The following CDH17 variants were observed in gnomAD, a reference collection of about 807,000 sequenced individuals.
The protein encoded by CDH17 is cadherin 17, also known as cadherin-17.
A neutral mutation model predicts 86.3 loss-of-function variants in CDH17; 67 were observed. That is an observed-to-expected ratio of 0.78 (90% confidence interval 0.64 to 0.95). CDH17 has a LOEUF of 0.95. Ranked by LOEUF, CDH17 falls within the 40% of genes least tolerant of loss-of-function variation. The pLI is 0.00. For missense variants in CDH17, 993 were observed against 1,017.6 expected (o/e 0.98, Z 0.33); for synonymous variants, 367 against 366.4 (o/e 1.00, Z -0.02).
chr8:94,147,632 C>T (rs2130595228), intron 14 of CDH17, among the ~76,000 whole-genome samples: 1 of 152,274 alleles, frequency 6.6e-6, no homozygotes, highest in Non-Finnish European at 1.5e-5. Flanking sequence ...ACTTGTATGT[C>T]TGAAAATTCC....
chr8:94,199,307 T>C (rs1813860351), intron 1 of CDH17, among the ~76,000 whole-genome samples: 1 of 152,018 alleles, frequency 6.6e-6, no homozygotes, highest in Non-Finnish European at 1.5e-5. Flanking sequence ...AAACATGATA[T>C]ATTAAAGGAA....
chr8:94,216,516 T>C (rs1033898614), intron 1 of CDH17, among the ~76,000 whole-genome samples: 2 of 151,420 alleles, frequency 1.3e-5, no homozygotes, highest in Admixed American at 1.3e-4. Context: ...GCTTTAAACC[T>C]GATTAGATAG....
intron 13 of CDH17, among the ~76,000 whole-genome samples, chr8:94,151,015 T>G (rs1812845685): frequency 6.6e-6 from 1 of 152,152 alleles, no homozygotes; most frequent in African/African-American, 2.4e-5. Context: ...GAAGGACAGC[T>G]CAATGGGAGG....
intron 7 of CDH17, 109 bp downstream of exon 7, chr8:94,173,688 T>C (rs1197080143): frequency 8.4e-6 from 7 of 837,224 alleles, no homozygotes; most frequent in Admixed American, 5.6e-5. Flanking sequence ...AATCATGCTA[T>C]GAAAAAGGTA....
intron 1 of CDH17, among the ~76,000 whole-genome samples, chr8:94,205,597 G>A (rs961892272): frequency 5.3e-5 from 8 of 152,034 alleles, no homozygotes; most frequent in East Asian, 3.9e-4. Context: ...TAATTAAATC[G>A]TAACTGACAA....
Position 94,177,533 on chromosome 8 carries a change from C to A in CDH17, c.285+54G>T, listed in dbSNP as rs1161104421. 4 of 1,597,664 alleles carry A rather than the reference C, an allele frequency of 2.5e-6. No homozygotes were observed. The African/African-American group carries it at 4.0e-5, about 16-fold the overall frequency. On this transcript the variant is annotated intron_variant, in intron 4 of 17. Transcript: ENST00000027335. ...GAAGGTGCCAGCCATACTTCCAGAA[C>A]AAAGGGTGCTCAGAGAGGTTGGAGT...
chr8:94,132,930 TC>T (rs1254412080), intron 15 of CDH17, among the ~76,000 whole-genome samples: 1 of 152,232 alleles, frequency 6.6e-6, no homozygotes, highest in Non-Finnish European at 1.5e-5. Context: ...GGGAATCCTT[TC>T]CCCATTGCTT....
rs756432371 is a variant in CDH17, at chr8:94,128,344, A to G, written c.2399-4T>C. On this transcript the variant is annotated splice_region_variant and splice_polypyrimidine_tract_variant and intron_variant, in intron 17 of 17. Coordinates refer to ENST00000027335, the MANE Select transcript of CDH17 (RefSeq NM_004063.4). ...AACACAACTGCTAAAATTATACCTAAAAGAAAAAACCCAGGGTCAAATAAA... is the reference window on the plus strand; with the variant it reads ...AACACAACTGCTAAAATTATACCTAGAAGAAAAAACCCAGGGTCAAATAAA... The G allele has an allele frequency of 1.9e-6, 3 of 1,578,784 alleles. No homozygotes were observed. In the Admixed American group the frequency reaches 5.0e-5, roughly 26 times the overall value.
At chr8:94,179,654 C>T (rs1813440870) in intron 3 of CDH17, among the ~76,000 whole-genome samples, 1 of 152,202 alleles carries the variant, frequency 6.6e-6, no homozygotes, top group Non-Finnish European at 1.5e-5. Context: ...TCCCAACATG[C>T]ACACAGTGCC....
At chr8:94,136,235 A>G (rs1812523205) in intron 15 of CDH17, among the ~76,000 whole-genome samples, 1 of 152,198 alleles carries the variant, frequency 6.6e-6, no homozygotes, top group Non-Finnish European at 1.5e-5. Flanking sequence ...CCTGGATAAT[A>G]TCCTGAAGAG....
intron 3 of CDH17, among the ~76,000 whole-genome samples, chr8:94,180,943 CAAA>C (rs59930370): frequency 1.4e-5 from 1 of 69,778 alleles, no homozygotes; most frequent in Admixed American, 1.6e-4. Flanking sequence ...ACAAACAAAC[CAAA>C]AAAAAAAAAA....
At chr8:94,181,525 T>C (rs1790128620) in intron 3 of CDH17, among the ~76,000 whole-genome samples, 1 of 151,848 alleles carries the variant, frequency 6.6e-6, no homozygotes, top group Admixed American at 6.6e-5. Context: ...AAAATAACAA[T>C]ATACTCTAAA....
chr8:94,173,543 CA>C (rs1813308725), intron 7 of CDH17, among the ~76,000 whole-genome samples: 1 of 152,214 alleles, frequency 6.6e-6, no homozygotes, highest in African/African-American at 2.4e-5. Context: ...CTTTTCTTTA[CA>C]AATTCCCCAC....
In CDH17 at chr8:94,130,651, T is replaced by C; in HGVS notation, c.2373A>G (p.Ile791Met). 2 of 1,612,830 alleles carry C rather than the reference T, an allele frequency of 1.2e-6. No individual in the cohort carries two copies. The highest frequency in any genetic ancestry group is 8.5e-7 in the Non-Finnish European group (1 of 1,179,014). Residue 791 changes from isoleucine (I) to methionine (M), a missense_variant, in exon 17 of 18, where the codon ATA becomes ATG. Ile to Met is a conservative substitution (Grantham distance 10). Coordinates refer to ENST00000027335, the MANE Select transcript of CDH17 (RefSeq NM_004063.4). ...GIPTVGMAVG[I>M]LLTTLLVIGI... Reference sequence around the variant, plus strand: ...CAATCACCAGAAGGGTGGTCAGCAGTATACCAACTGCCATGCCCACAGTGG... The same window carrying C: ...CAATCACCAGAAGGGTGGTCAGCAGCATACCAACTGCCATGCCCACAGTGG...
chr8:94,177,603 G>T lies in CDH17; in HGVS notation c.269C>A (p.Ser90Tyr). 6.2e-7 allele frequency: 1 copy of T among 1,613,786 alleles called. No individual in the cohort carries two copies. The highest frequency in any genetic ancestry group is 1.3e-5 in the African/African-American group (1 of 75,008). Residue 90 changes from serine to tyrosine, a missense_variant, in exon 4 of 18, where the codon TCT becomes TAT. Ser to Tyr is a moderately radical substitution (Grantham distance 144). Coordinates refer to ENST00000027335, the MANE Select transcript of CDH17 (RefSeq NM_004063.4). Reference protein sequence around the residue: ...YNRALDRETRSTHNLQVAALD... With the variant: ...YNRALDRETRYTHNLQVAALD... ...TCAATTTACCTGGAGATTGTGAGTA[G>T]ATCTTGTTTCCCTGTCCAAGGCTCT...
At chr8:94,186,375 GT>G (rs1161964695) in intron 3 of CDH17, among the ~76,000 whole-genome samples, 1 of 152,062 alleles carries the variant, frequency 6.6e-6, no homozygotes, top group Admixed American at 6.6e-5. Context: ...AACAACAGAA[GT>G]TTATCGCTCA....
Position 94,132,866 on chromosome 8 carries a change from G to A in CDH17, c.2168-1874C>T, listed in dbSNP as rs148822390. Among the ~76,000 whole-genome samples the A allele has an allele frequency of 5.7e-3, 870 of 152,286 alleles. 8 individuals are homozygous for A. Among genetic ancestry groups the A allele is most frequent in the Middle Eastern group, 0.01 (3 of 294 alleles). ...GTGTAAGGTGTAAGGAATGGATCCA[G>A]TTTCAGCTTTCTACATATGCCTAGC... is the stretch of plus-strand genomic sequence containing the variant. On this transcript the variant is annotated intron_variant, in intron 15 of 17. Transcript: ENST00000027335.
chr8:94,179,665 C>T (rs999888776), intron 3 of CDH17, among the ~76,000 whole-genome samples: 1 of 152,272 alleles, frequency 6.6e-6, no homozygotes, highest in African/African-American at 2.4e-5. Flanking sequence ...ACACAGTGCC[C>T]CTTGGTAAAC....
chr8:94,143,929 C>T (rs936850795), intron 15 of CDH17, among the ~76,000 whole-genome samples: 1 of 152,294 alleles, frequency 6.6e-6, no homozygotes, highest in East Asian at 1.9e-4. Context: ...TATTTGTGTT[C>T]ACTGTAGGTT....
Sources: allele counts gnomAD v4.1 joint callset (sites outside exome capture counted in the v4.1 genomes callset), GRCh38; gene constraint gnomAD v4.1.1; transcripts MANE v1.5; gene names NCBI Gene and HGNC (gene_info 2026-07-23, HGNC 2026-07-21).